Variants in TBX3 observed in about 807,000 individuals in gnomAD.
TBX3 encodes T-box transcription factor 3.
TBX3 carries 11 observed loss-of-function variants against 47.8 expected under a neutral mutation model. The ratio of observed to expected loss-of-function variants is 0.23; its 90% CI spans 0.14 to 0.38. The LOEUF is 0.38. Ranked by LOEUF, TBX3 falls within the 10% of genes least tolerant of loss-of-function variation. The pLI is 1.00. For missense variants in TBX3, 927 were observed against 1,022.8 expected, an observed-to-expected ratio of 0.91 and a Z score of 1.28; for synonymous variants, 500 against 449.3, an observed-to-expected ratio of 1.11 and a Z score of -1.43.
chr12:114,679,225 G>A (rs1981946), intron 3 of TBX3, among the ~76,000 whole-genome samples: 1 of 152,016 alleles, frequency 6.6e-6, no homozygotes, highest in African/African-American at 2.4e-5. Flanking sequence ...GCCCAAGAGG[G>A]GGGGAGGAGT....
At chr12:114,682,666 G>A (rs1868988292) in intron 1 of TBX3, 146 bp downstream of exon 1, 1 of 1,254,490 alleles carries the variant, frequency 8.0e-7, no homozygotes, top group Admixed American at 2.0e-5. Context: ...CCGGGGCAGG[G>A]CCTGGAAGTC....
At chr12:114,682,517 C>T (rs1592851655) in intron 1 of TBX3, among the ~76,000 whole-genome samples, 2 of 145,518 alleles carry the variant, frequency 1.4e-5, no homozygotes, top group South Asian at 2.2e-4. Context: ...AGTAGAGTGC[C>T]TTTTTTTTTT....
chr12:114,680,096 T>G, intron 2 of TBX3: 1 of 954,214 alleles, frequency 1.0e-6, no homozygotes, highest in Non-Finnish European at 1.6e-6. Context: ...GAGGAATATT[T>G]ATGCCTTAAT....
At chr12:114,674,890 C>T in intron 5 of TBX3, 55 bp from the exon 6 acceptor site, 1 of 1,536,664 alleles carries the variant, frequency 6.5e-7, no homozygotes, top group African/African-American at 1.4e-5. Context: ...CCAGTATGAG[C>T]CAACGGAACT....
At chr12:114,679,983 A>G in intron 2 of TBX3, 1 of 1,614,094 alleles carries the variant, frequency 6.2e-7, no homozygotes, top group Non-Finnish European at 8.5e-7. Flanking sequence ...CTTAAAAGAT[A>G]GAGAAAAACA....
Position 114,683,384 on chromosome 12 carries a change from G to A in TBX3, c.-184C>T, listed in dbSNP as rs2242442. On this transcript the variant is annotated 5_prime_UTR_variant, in exon 1 of 7. Coordinates refer to ENST00000349155, the MANE Select transcript of TBX3 (RefSeq NM_005996.4). The surrounding 1 kb of genome is among the most constrained non-coding windows in gnomAD (Gnocchi z 7.7). Reference sequence around the variant, plus strand: ...CTAATGCACTTCAAAGGGAGGAGGGGAAGTGTCTTTTGGAGAATGGGAGGC... The same window carrying A: ...CTAATGCACTTCAAAGGGAGGAGGGAAAGTGTCTTTTGGAGAATGGGAGGC... 0.22 allele frequency: 176,706 copies of A among 800,404 alleles called. 21,681 individuals carry two copies. Among genetic ancestry groups the A allele is most frequent in the East Asian group, 0.44 (16,070 of 36,464 alleles). The allele number at this position is 800,404 out of a possible 1,614,324, so 49.6% of individuals were successfully genotyped here.
Position 114,672,218 on chromosome 12 carries a change from C to T in TBX3, c.1795G>A (p.Ala599Thr), listed in dbSNP as rs1191297422. The T allele has an allele frequency of 6.4e-7, 1 of 1,573,584 alleles. No individual in the cohort carries two copies. Residue 599 changes from alanine (A) to threonine (T), a missense_variant, in exon 7 of 7, where the codon GCC becomes ACC. Ala to Thr is a moderately conservative substitution (Grantham distance 58). This residue lies in a region of TBX3 where 623 missense variants were observed against 569.0 expected (regional missense o/e 1.09). Coordinates refer to ENST00000349155, the MANE Select transcript of TBX3 (RefSeq NM_005996.4). The stretch of plus-strand genomic sequence containing the variant: ...GGGTGGCGGTGCACCGAGCTGGAGG[C>T]TGCCGCAGAGGAGGCGGCCGCCGCT... ...AAAAAASSAA[A>T]SSSVHRHPFL... is the part of the protein sequence containing the mutation.
intron 6 of TBX3, among the ~76,000 whole-genome samples, chr12:114,673,723 G>A (rs1174286177): frequency 6.6e-6 from 1 of 152,232 alleles, no homozygotes; most frequent in Non-Finnish European, 1.5e-5. Context: ...CAGATAGCCT[G>A]GGGTTGAGTC....
At position 114,670,905 on chromosome 12, in the gene TBX3, AAG is replaced by A. The variant is rs1363263999; in HGVS notation, c.*934_*935del. On this transcript the variant is annotated 3_prime_UTR_variant, in exon 7 of 7. Coordinates refer to ENST00000349155, the MANE Select transcript of TBX3 (RefSeq NM_005996.4). Reference sequence around the variant, plus strand: ...AAGCATTCATATTCCACCTATTTACAAGAGTTATCAAATAATTACATAAATAC... The same window carrying A: ...AAGCATTCATATTCCACCTATTTACAAGTTATCAAATAATTACATAAATAC... 8 of 214,284 alleles carry A rather than the reference AAG, an allele frequency of 3.7e-5. No homozygotes were observed. Among genetic ancestry groups the A allele is most frequent in the Non-Finnish European group, 4.7e-5 (5 of 106,052 alleles). 13.3% of individuals were successfully genotyped at this position (214,284 alleles called of 1,614,324 possible). A position where few individuals can be genotyped will look rare whatever the true frequency, so the allele number is the denominator to read the frequency against.
In TBX3 at chr12:114,674,833, A is replaced by C; in HGVS notation, c.1042T>G (p.Leu348Val). ...TCGCTCTCACCCTCGCTGGGACATA[A>C]ATCTACCACAGGCGAAGGAAAAAAC... ...STVGTSNLKDLCPSEGESDAE... is the reference protein window; with the variant it reads ...STVGTSNLKDVCPSEGESDAE... The change falls in exon 6 of 7, where the codon TTA (leucine) becomes GTA (valine). Residue 348 changes from leucine (L) to valine (V), a missense_variant and splice_region_variant. Physicochemically the swap from Leu to Val is conservative, Grantham distance 32. Around this residue, in one of 5 missense-constraint regions of TBX3, gnomAD observed 623 missense variants for 569.0 expected, o/e 1.09. Transcript: ENST00000349155. The C allele has an allele frequency of 6.4e-7, 1 of 1,568,372 alleles. No homozygotes were observed.
In TBX3 at chr12:114,683,486, A is replaced by G; in HGVS notation, c.-286T>C. 1 of 419,164 alleles carries G rather than the reference A, an allele frequency of 2.4e-6. No individual in the cohort carries two copies. Among genetic ancestry groups the G allele is most frequent in the Non-Finnish European group, 4.3e-6 (1 of 235,086 alleles). The allele number at this position is 419,164 out of a possible 1,614,324, so 26.0% of individuals were successfully genotyped here. A position where few individuals can be genotyped will look rare whatever the true frequency, so the allele number is the denominator to read the frequency against. On this transcript the variant is annotated 5_prime_UTR_variant, in exon 1 of 7. Coordinates refer to ENST00000349155, the MANE Select transcript of TBX3 (RefSeq NM_005996.4). This position sits in a 1 kb window ranked among gnomAD's most constrained non-coding sequence, Gnocchi z 7.7. Reference sequence around the variant, plus strand: ...ACCGTCCTTGTGCCTTGCGTTTTTAAAAAGCCGCTCCTGAACGTCGGTTTC... The same window carrying G: ...ACCGTCCTTGTGCCTTGCGTTTTTAGAAAGCCGCTCCTGAACGTCGGTTTC...
Position 114,683,019 on chromosome 12 carries a change from G to C in TBX3, c.182C>G (p.Ala61Gly). The change falls in exon 1 of 7, where the codon GCC becomes GGC. Residue 61 changes from alanine to glycine, a missense_variant. Physicochemically the swap from Ala to Gly is moderately conservative, Grantham distance 60 (BLOSUM62 0). Around this residue, in one of 5 missense-constraint regions of TBX3, gnomAD observed 216 missense variants for 281.2 expected, o/e 0.77. Coordinates refer to ENST00000349155, the MANE Select transcript of TBX3 (RefSeq NM_005996.4). The surrounding 1 kb of genome is among the most constrained non-coding windows in gnomAD (Gnocchi z 7.7). ...AAALSLPGALAKPIMDQLVGA... is the reference protein window; with the variant it reads ...AAALSLPGALGKPIMDQLVGA... The stretch of plus-strand genomic sequence containing the variant: ...CACCAATTGATCCATGATCGGCTTG[G>C]CCAGGGCGCCCGGCAGCGAGAGCGC... 1 of 1,611,028 alleles carries C rather than the reference G, an allele frequency of 6.2e-7. No individual in the cohort carries two copies. The highest frequency in any genetic ancestry group is 8.5e-7 in the Non-Finnish European group (1 of 1,178,076).
At position 114,670,529 on chromosome 12, in the gene TBX3, A is replaced by G. The variant is rs77412687; in HGVS notation, c.*1312T>C. On this transcript the variant is annotated 3_prime_UTR_variant, in exon 7 of 7. Coordinates refer to ENST00000349155, the MANE Select transcript of TBX3 (RefSeq NM_005996.4). ...ATACAAATAACAAAAGAAAAATTAA[A>G]AAGTCAAACCGCAGCCTCTGCCCTC... is the stretch of plus-strand genomic sequence containing the variant. 1,163 of 226,114 alleles carry G rather than the reference A, an allele frequency of 5.1e-3. 31 individuals carry two copies. The East Asian group carries it at 0.054, about 10-fold the overall frequency. The allele number at this position is 226,114 out of a possible 1,614,324, so 14.0% of individuals were successfully genotyped here. A position where few individuals can be genotyped will look rare whatever the true frequency, so the allele number is the denominator to read the frequency against.
At position 114,671,357 on chromosome 12, in the gene TBX3, C is replaced by T; in HGVS notation, c.*484G>A. 1 of 248,806 alleles carries T rather than the reference C, an allele frequency of 4.0e-6. No homozygotes were observed. Among genetic ancestry groups the T allele is most frequent in the East Asian group, 5.7e-5 (1 of 17,564 alleles). 15.4% of individuals were successfully genotyped at this position (248,806 alleles called of 1,614,324 possible). On this transcript the variant is annotated 3_prime_UTR_variant, in exon 7 of 7. Coordinates refer to ENST00000349155, the MANE Select transcript of TBX3 (RefSeq NM_005996.4). ...AGTAATTTATTGAGAACCGATAATG[C>T]AAGTCCCTATAAAGTTTTTAATCTG...
chr12:114,672,041 C>T lies in TBX3; in HGVS notation c.1972G>A (p.Ala658Thr), dbSNP rs2121375914. Reference protein sequence around the residue: ...GPLDGKVAALAASPASVAVDS... With the variant: ...GPLDGKVAALTASPASVAVDS... ...ACTGCCACCGAGGCCGGGCTGGCGGCCAGGGCGGCGACTTTGCCGTCCAGG... is the reference window on the plus strand; with the variant it reads ...ACTGCCACCGAGGCCGGGCTGGCGGTCAGGGCGGCGACTTTGCCGTCCAGG... Residue 658 changes from alanine to threonine, a missense_variant, in exon 7 of 7, where the codon GCC (alanine) becomes ACC (threonine). Coordinates refer to ENST00000349155, the MANE Select transcript of TBX3 (RefSeq NM_005996.4). 1 of 1,580,954 alleles carries T rather than the reference C, an allele frequency of 6.3e-7. No homozygotes were observed. Among genetic ancestry groups the T allele is most frequent in the Non-Finnish European group, 8.6e-7 (1 of 1,163,940 alleles).
rs1422491114 is a variant in TBX3 at position 114,676,375 on chromosome 12, A to T, written c.977T>A (p.Phe326Tyr). The T allele has an allele frequency of 6.2e-7, 1 of 1,614,092 alleles. No individual in the cohort carries two copies. The highest frequency in any genetic ancestry group is 8.5e-7 in the Non-Finnish European group (1 of 1,180,044). The change falls in exon 5 of 7, where the codon TTC becomes TAC. Residue 326 changes from phenylalanine to tyrosine, a missense_variant. By Grantham distance (22) the Phe-to-Tyr change is conservative. Transcript: ENST00000349155. ...AGAAGAAGCCTGGGCGAAGCAGTTG[A>T]AAGCTGCTTGTTCACTGGAGGACTC... Reference protein sequence around the residue: ...SDESSSEQAAFNCFAQASSPA... With the variant: ...SDESSSEQAAYNCFAQASSPA...
At chr12:114,681,804 C>T (rs1483144917) in intron 1 of TBX3, among the ~76,000 whole-genome samples, 2 of 152,288 alleles carry the variant, frequency 1.3e-5, no homozygotes, top group Non-Finnish European at 2.9e-5. Context: ...AAGACTGTGC[C>T]ACCACATTGC....
chr12:114,678,826 T>G (rs572263339), intron 3 of TBX3, among the ~76,000 whole-genome samples: 1 of 152,192 alleles, frequency 6.6e-6, no homozygotes, highest in East Asian at 1.9e-4. Flanking sequence ...CTTTCCCTTT[T>G]GGGGATCCTT....
At chr12:114,680,332 C>A (rs1243122489) in intron 2 of TBX3, 5 of 329,060 alleles carry the variant, frequency 1.5e-5, no homozygotes, top group African/African-American at 8.5e-5. Flanking sequence ...CATATATACA[C>A]TCCCAACACA....
Sources: gnomAD v4.1 joint callset for allele counts (sites outside exome capture counted in the v4.1 genomes callset) on GRCh38, gnomAD v4.1.1 for gene constraint, gnomAD v4.1.1 regional missense constraint, Gnocchi (gnomAD v3.1) non-coding constraint, MANE v1.5 for transcripts, NCBI Gene and HGNC (gene_info 2026-07-23, HGNC 2026-07-21) for gene names.